The following HCRTR1 variants were observed in gnomAD, a reference collection of about 807,000 sequenced individuals.
HCRTR1 encodes the protein hypocretin receptor 1, also known as orexin/Hypocretin receptor type 1.
HCRTR1 carries 28 observed loss-of-function variants against 40.6 expected under a neutral mutation model. The ratio of observed to expected loss-of-function variants is 0.69; its 90% confidence interval spans 0.51 to 0.95. HCRTR1 has a LOEUF of 0.95. HCRTR1 is among the 40% of genes least tolerant of loss of function. The probability of loss-of-function intolerance (pLI) is 0.00; values close to 1 mark genes in which losing one functional copy is unlikely to be tolerated. For synonymous variants in HCRTR1, 209 were observed against 230.0 expected, an observed-to-expected ratio of 0.91 and a Z score of 0.83; for missense variants, 482 against 564.7, an observed-to-expected ratio of 0.85 and a Z score of 1.48.
chr1:31,633,258 A>C, downstream of HCRTR1: 1 of 1,614,072 alleles, frequency 6.2e-7, no homozygotes, highest in African/African-American at 1.3e-5. Flanking sequence ...CTGTGATCTG[A>C]GTCCACCGAC....
chr1:31,629,066 G>A (rs538462910), downstream of HCRTR1, among the ~76,000 whole-genome samples: 6 of 152,344 alleles, frequency 3.9e-5, no homozygotes, highest in Admixed American at 2.0e-4. Flanking sequence ...TGCCTTTGGC[G>A]AAGCAGAGGC....
chr1:31,633,401 ACGAAGCTT>A, downstream of HCRTR1: 5 of 1,362,922 alleles, frequency 3.7e-6, no homozygotes, highest in Non-Finnish European at 4.9e-6. Context: ...TCTCCTACAC[ACGAAGCTT>A]CACAAATTCA....
At chr1:31,629,445 G>A (rs1166038832), downstream of HCRTR1, among the ~76,000 whole-genome samples, 1 of 152,198 alleles carries the variant, frequency 6.6e-6, no homozygotes, top group Non-Finnish European at 1.5e-5. Flanking sequence ...TGGGTATTAT[G>A]CTGATCTAAA....
downstream of HCRTR1, among the ~76,000 whole-genome samples, chr1:31,628,254 A>G (rs779798195): frequency 2.0e-5 from 3 of 152,236 alleles, no homozygotes; most frequent in Non-Finnish European, 4.4e-5. Context: ...CCAGGGGCCC[A>G]GCCCAGGAGT....
At position 31,626,635 on chromosome 1, in the gene HCRTR1, G is replaced by T. The variant is rs1639981898; in HGVS notation, c.1088-155G>T. Among the ~76,000 whole-genome samples, 1 of 152,046 alleles carries T rather than the reference G, an allele frequency of 6.6e-6. No individual in the cohort carries two copies. The highest frequency in any genetic ancestry group is 2.1e-4 in the South Asian group (1 of 4,828). On this transcript the variant is annotated intron_variant, in intron 8 of 8. Transcript: ENST00000403528. The surrounding 1 kb of genome is among the most constrained non-coding windows in gnomAD (Gnocchi z 4.6). ...GTCCTCTCTCTCTGGCGGTGCCGAG[G>T]TTGCCTCAGGGCTCTCCCTCCCAGC...
Position 31,621,091 on chromosome 1 carries a change from T to C in HCRTR1, c.622+5T>C, listed in dbSNP as rs1639845358. 6.3e-7 allele frequency: 1 copy of C among 1,599,408 alleles called. No individual in the cohort carries two copies. The highest frequency in any genetic ancestry group is 8.5e-7 in the Non-Finnish European group (1 of 1,176,178). On this transcript the variant is annotated splice_donor_5th_base_variant and intron_variant, in intron 5 of 8. Coordinates refer to ENST00000403528, the MANE Select transcript of HCRTR1 (RefSeq NM_001525.3). ...TCTGTGATGAACGCTGGGCAGGTAA[T>C]GGTGGAAGCCTCAAGCAGGCATCCC...
rs915823677 is a variant in HCRTR1, at chr1:31,627,136, A to G, written c.*156A>G. On this transcript the variant is annotated 3_prime_UTR_variant, in exon 9 of 9. Coordinates refer to ENST00000403528, the MANE Select transcript of HCRTR1 (RefSeq NM_001525.3). Reference sequence around the variant, plus strand: ...CCTCTGTCTGAGCTTGTGTCCCCTAAGCAGGGTTGATGTGAGGATTAAGCA... The same window carrying G: ...CCTCTGTCTGAGCTTGTGTCCCCTAGGCAGGGTTGATGTGAGGATTAAGCA... 3 of 1,412,572 alleles carry G rather than the reference A, an allele frequency of 2.1e-6. No individual in the cohort carries two copies. In the African/African-American group the frequency reaches 4.3e-5, roughly 20 times the overall value. 87.5% of individuals were successfully genotyped at this position (1,412,572 alleles called of 1,614,324 possible).
At chr1:31,623,825 A>G (rs1024762156) in intron 7 of HCRTR1, 76 bp downstream of exon 7, 2 of 1,030,108 alleles carry the variant, frequency 1.9e-6, no homozygotes, top group African/African-American at 1.6e-5. Flanking sequence ...TGGGAGAAAG[A>G]CCTGGCTCCA....
At chr1:31,620,810 C>T (rs1434124323) in intron 4 of HCRTR1, 33 bp from the exon 5 acceptor site, 1 of 1,600,432 alleles carries the variant, frequency 6.2e-7, no homozygotes, top group South Asian at 1.1e-5. Flanking sequence ...GGGTGGCCCC[C>T]AAAATGACCG....
At chr1:31,619,495 G>C (rs1639806042) in intron 3 of HCRTR1, 37 bp from the exon 4 acceptor site, 8 of 1,613,442 alleles carry the variant, frequency 5.0e-6, no homozygotes, top group Non-Finnish European at 6.8e-6. Context: ...GGATGGGTGT[G>C]GCTCTGCCAC....
downstream of HCRTR1, among the ~76,000 whole-genome samples, chr1:31,628,917 T>C (rs1451499115): frequency 2.6e-5 from 4 of 152,148 alleles, no homozygotes; most frequent in Admixed American, 6.5e-5. Flanking sequence ...TAAAGGGTGA[T>C]GTATGTCCTG....
Position 31,619,361 on chromosome 1 carries a change from T to C in HCRTR1, c.169T>C (p.Phe57Leu), listed in dbSNP as rs1639801656. The C allele has an allele frequency of 6.2e-7, 1 of 1,614,212 alleles. No homozygotes were observed. The highest frequency in any genetic ancestry group is 8.5e-7 in the Non-Finnish European group (1 of 1,180,036). Residue 57 changes from phenylalanine to leucine, a missense_variant, in exon 3 of 9, where the codon TTC (phenylalanine) becomes CTC (leucine). By Grantham distance (22) the Phe-to-Leu change is conservative. Coordinates refer to ENST00000403528, the MANE Select transcript of HCRTR1 (RefSeq NM_001525.3). ...CCTCATCGCAGCCTATGTGGCTGTG[T>C]TCGTCGTGGCCCTGGTGGGCAACAC... ...WVLIAAYVAV[F>L]VVALVGNTLV...
chr1:31,626,955 C>A lies in HCRTR1; in HGVS notation c.1253C>A (p.Thr418Asn), dbSNP rs778162269. ...AAAATCTCTGAGCATGTGGTGCTCA[C>A]CAGCGTCACCACAGTGCTGCCCTGA... The part of the protein sequence containing the change: ...ISKISEHVVL[T>N]SVTTVLP The change falls in exon 9 of 9, where the codon ACC becomes AAC. Residue 418 changes from threonine to asparagine, a missense_variant. Thr to Asn is a moderately conservative substitution (Grantham distance 65). Coordinates refer to ENST00000403528, the MANE Select transcript of HCRTR1 (RefSeq NM_001525.3). The surrounding 1 kb of genome is among the most constrained non-coding windows in gnomAD (Gnocchi z 4.6). 2 of 1,612,764 alleles carry A rather than the reference C, an allele frequency of 1.2e-6. No homozygotes were observed. The highest frequency in any genetic ancestry group is 2.7e-5 in the African/African-American group (2 of 74,910).
chr1:31,626,712 C>A lies in HCRTR1; in HGVS notation c.1088-78C>A, dbSNP rs1232091462. The A allele has an allele frequency of 1.0e-5, 10 of 987,760 alleles. No individual in the cohort carries two copies. The highest frequency in any genetic ancestry group is 1.4e-5 in the Non-Finnish European group (10 of 715,172). 61.2% of individuals were successfully genotyped at this position (987,760 alleles called of 1,614,324 possible). A position where few individuals can be genotyped will look rare whatever the true frequency, so the allele number is the denominator to read the frequency against. Reference sequence around the variant, plus strand: ...CTCATAGGCAGCTTGGCTGGAGCTGCGTGGGTGTCCCTGGGCTCAAGGCCC... The same window carrying A: ...CTCATAGGCAGCTTGGCTGGAGCTGAGTGGGTGTCCCTGGGCTCAAGGCCC... On this transcript the variant is annotated intron_variant, in intron 8 of 8. Transcript: ENST00000403528. The surrounding 1 kb of genome is among the most constrained non-coding windows in gnomAD (Gnocchi z 4.6).
chr1:31,632,943 T>A (rs1213130504), downstream of HCRTR1, among the ~76,000 whole-genome samples: 1 of 152,164 alleles, frequency 6.6e-6, no homozygotes, highest in African/African-American at 2.4e-5. Context: ...GGAAACTAAG[T>A]TAACCTGTAA....
At chr1:31,627,676 G>C (rs1263272355), downstream of HCRTR1, 1 of 277,500 alleles carries the variant, frequency 3.6e-6, no homozygotes, top group Non-Finnish European at 7.2e-6. Flanking sequence ...GAAGAAGGTG[G>C]GGAAGCTGGG....
Position 31,619,233 on chromosome 1 carries a change from C to T in HCRTR1, c.41C>T (p.Pro14Leu). Reference protein sequence around the residue: ...SATPGAQMGVPPGSREPSPVP... With the variant: ...SATPGAQMGVLPGSREPSPVP... ...ACCCCAGGGGCCCAGATGGGGGTCC[C>T]CCCTGGCAGCAGAGAGCCGTCCCCT... The change falls in exon 3 of 9, where the codon CCC becomes CTC. Residue 14 changes from proline (P) to leucine (L), a missense_variant. Transcript: ENST00000403528. The T allele has an allele frequency of 6.2e-7, 1 of 1,613,462 alleles. No individual in the cohort carries two copies. The highest frequency in any genetic ancestry group is 8.5e-7 in the Non-Finnish European group (1 of 1,180,000).
chr1:31,619,558 C>T lies in HCRTR1; in HGVS notation c.226C>T (p.His76Tyr), dbSNP rs200691518. 1 of 1,614,098 alleles carries T rather than the reference C, an allele frequency of 6.2e-7. No homozygotes were observed. Among genetic ancestry groups the T allele is most frequent in the Non-Finnish European group, 8.5e-7 (1 of 1,180,002 alleles). Residue 76 changes from histidine (H) to tyrosine (Y), a missense_variant, in exon 4 of 9, where the codon CAC becomes TAC. Transcript: ENST00000403528. ...LVCLAVWRNH[H>Y]MRTVTNYFIV... ...CTGCCTGGCCGTGTGGCGGAACCAC[C>T]ACATGAGGACAGTCACCAACTACTT...
In HCRTR1 at chr1:31,627,545, A is replaced by C; in HGVS notation, c.*565A>C. On this transcript the variant is annotated 3_prime_UTR_variant, in exon 9 of 9. Transcript: ENST00000403528. ...TGTTGGCTTTGTGGTGTGATAAAAC[A>C]CTCTCCATGGCCACTTGGCAGAGAG... 1.1e-5 allele frequency: 4 copies of C among 367,122 alleles called. No homozygotes were observed. Among genetic ancestry groups the C allele is most frequent in the Non-Finnish European group, 2.1e-5 (4 of 189,060 alleles). The allele number at this position is 367,122 out of a possible 1,614,324, so 22.7% of individuals were successfully genotyped here. A position where few individuals can be genotyped will look rare whatever the true frequency, so the allele number is the denominator to read the frequency against.
Sources: allele counts gnomAD v4.1 joint callset (sites outside exome capture counted in the v4.1 genomes callset), GRCh38; gene constraint gnomAD v4.1.1; non-coding constraint Gnocchi (gnomAD v3.1); transcripts MANE v1.5; gene names NCBI Gene and HGNC (gene_info 2026-07-23, HGNC 2026-07-21).